C11orf65: variants seen among roughly 807,000 people sequenced by gnomAD.
C11orf65 encodes chromosome 11 open reading frame 65, also known as protein MFI.
A neutral mutation model predicts 35.3 loss-of-function variants in C11orf65; 38 were observed. The observed-to-expected ratio is 1.08, with a 90% confidence interval of 0.83 to 1.41. C11orf65 has a LOEUF of 1.41. Ranked by LOEUF, C11orf65 falls within the 40% of genes most tolerant of loss-of-function variation. C11orf65 has a pLI of 0.00. For missense variants in C11orf65, 370 were observed against 367.1 expected (o/e 1.01, Z -0.06); for synonymous variants, 105 against 114.4 (o/e 0.92, Z 0.53).
intron 8 of C11orf65, among the ~76,000 whole-genome samples, chr11:108,384,717 G>A (rs2091948919): frequency 6.6e-6 from 1 of 151,976 alleles, no homozygotes; most frequent in Admixed American, 6.5e-5. Flanking sequence ...AGGCTGCAGG[G>A]AACTGAGGTC....
chr11:108,403,558 T>C (rs1385498994), intron 6 of C11orf65, among the ~76,000 whole-genome samples: 1 of 152,106 alleles, frequency 6.6e-6, no homozygotes, highest in Non-Finnish European at 1.5e-5. Context: ...CTGACTTCTA[T>C]GTCCTCTTTA....
At chr11:108,315,774 A>T (rs1591775699) in intron 6 of C11orf65, 8 of 1,474,408 alleles carry the variant, frequency 5.4e-6, no homozygotes, top group Non-Finnish European at 7.6e-6. Context: ...CTAAATTTAT[A>T]GACCGATTTT....
At chr11:108,330,451 C>A (rs749153873), downstream of C11orf65, 13 of 1,609,626 alleles carry the variant, frequency 8.1e-6, no homozygotes, top group Admixed American at 1.8e-4. Flanking sequence ...ATATTCTACC[C>A]TGTGCTTGAA....
chr11:108,409,796 T>G (rs2092622777), intron 3 of C11orf65, among the ~76,000 whole-genome samples: 1 of 152,156 alleles, frequency 6.6e-6, no homozygotes, highest in South Asian at 2.1e-4. Flanking sequence ...AACCCTCTTG[T>G]GAACTGCACA....
chr11:108,315,328 T>C (rs188413294), intron 6 of C11orf65, among the ~76,000 whole-genome samples: 43 of 152,374 alleles, frequency 2.8e-4, no homozygotes, highest in Admixed American at 2.3e-3. Flanking sequence ...TTTGTTTATA[T>C]TTGTCTTAAC....
At chr11:108,380,054 A>T (rs983870898), downstream of C11orf65, among the ~76,000 whole-genome samples, 1 of 152,160 alleles carries the variant, frequency 6.6e-6, no homozygotes, top group Non-Finnish European at 1.5e-5. Context: ...ACGTCACCTA[A>T]TTCAGTTGCC....
chr11:108,359,058 G>A (rs901301352), intron 2 of C11orf65, among the ~76,000 whole-genome samples: 14 of 148,756 alleles, frequency 9.4e-5, no homozygotes, highest in South Asian at 4.4e-4. Context: ...CCCATCTCAC[G>A]TGCAGAGACA....
chr11:108,426,447 T>C (rs1002791273), intron 3 of C11orf65, among the ~76,000 whole-genome samples: 10 of 151,742 alleles, frequency 6.6e-5, no homozygotes, highest in African/African-American at 2.4e-4. Context: ...ACAAGGGATA[T>C]GAAGGACCTC....
At chr11:108,356,262 G>C (rs751786588) in intron 2 of C11orf65, among the ~76,000 whole-genome samples, 1 of 152,104 alleles carries the variant, frequency 6.6e-6, no homozygotes, top group African/African-American at 2.4e-5. Context: ...AGGGCTGGGC[G>C]CGGTGGCTCA....
At chr11:108,416,815 C>G (rs1240602506) in intron 3 of C11orf65, among the ~76,000 whole-genome samples, 1 of 152,122 alleles carries the variant, frequency 6.6e-6, no homozygotes, top group Non-Finnish European at 1.5e-5. Context: ...CAAAATGGCA[C>G]AGCCACTTTG....
At chr11:108,434,359 G>C (rs1405852485) in intron 2 of C11orf65, among the ~76,000 whole-genome samples, 1 of 152,046 alleles carries the variant, frequency 6.6e-6, no homozygotes, top group Admixed American at 6.6e-5. Context: ...ACAAAAATTA[G>C]CTGGGCATGG....
intron 2 of C11orf65, chr11:108,368,346 T>G (rs1384303852): frequency 4.8e-6 from 1 of 210,290 alleles, no homozygotes. Flanking sequence ...ATGACTAAGA[T>G]AGAAAACTGC....
intron 2 of C11orf65, among the ~76,000 whole-genome samples, chr11:108,342,225 T>C (rs1364573019): frequency 1.3e-5 from 2 of 152,166 alleles, no homozygotes; most frequent in East Asian, 3.8e-4. Flanking sequence ...AACTGAAATA[T>C]GTTCACGAGT....
chr11:108,331,342 G>C, downstream of C11orf65: 3 of 1,493,490 alleles, frequency 2.0e-6, no homozygotes, highest in Non-Finnish European at 2.7e-6. Flanking sequence ...TTAACCACTT[G>C]TGCTAATAGA....
intron 2 of C11orf65, among the ~76,000 whole-genome samples, chr11:108,340,661 A>G (rs1251584800): frequency 6.6e-6 from 1 of 152,146 alleles, no homozygotes; most frequent in Admixed American, 6.6e-5. Flanking sequence ...TTTATTAATA[A>G]CTGTTAGAGT....
Position 108,331,516 on chromosome 11 carries a change from A to T in C11orf65, c.*34T>A. 1.2e-6 allele frequency: 2 copies of T among 1,613,518 alleles called. No homozygotes were observed. The highest frequency in any genetic ancestry group is 1.7e-6 in the Non-Finnish European group (2 of 1,179,734). ...CCAATTGGCTGCTAGAATGGGGACC[A>T]AGATGATGGGAGGCCTAGGATTTCA... is the stretch of plus-strand genomic sequence containing the variant. On this transcript the variant is annotated 3_prime_UTR_variant, in exon 4 of 4. Transcript: ENST00000524755.
rs767507047 is a variant in C11orf65, at chr11:108,365,092, A to G, written c.226+28116T>C. The G allele has an allele frequency of 3.1e-6, 5 of 1,613,972 alleles. No homozygotes were observed. Among genetic ancestry groups the G allele is most frequent in the Non-Finnish European group, 3.4e-6 (4 of 1,179,982 alleles). Reference sequence around the variant, plus strand: ...GTTCTCTCTGTTTAGGTCCTTCTATATGATCCACTCTTTGACTGGACCATG... The same window carrying G: ...GTTCTCTCTGTTTAGGTCCTTCTATGTGATCCACTCTTTGACTGGACCATG... On this transcript the variant is annotated intron_variant, in intron 2 of 3. Transcript: ENST00000524755.
At chr11:108,463,031 C>A (rs1037235178) in intron 1 of C11orf65, among the ~76,000 whole-genome samples, 14 of 152,170 alleles carry the variant, frequency 9.2e-5, no homozygotes, top group African/African-American at 3.4e-4. Flanking sequence ...GAGGCTGAAA[C>A]AGGAGGATGG....
intron 2 of C11orf65, chr11:108,368,995 TAATGA>T: frequency 5.4e-6 from 1 of 184,020 alleles, no homozygotes. Context: ...AATTGCACCT[TAATGA>T]AATTATCTAT....
Sources: gnomAD v4.1 joint callset for allele counts (sites outside exome capture counted in the v4.1 genomes callset) on GRCh38, gnomAD v4.1.1 for gene constraint, MANE v1.5 for transcripts, NCBI Gene and HGNC (gene_info 2026-07-23, HGNC 2026-07-21) for gene names.